The following BRCA1 variants were observed in gnomAD, a reference collection of about 807,000 sequenced individuals.
BRCA1 encodes BRCA1 DNA repair associated.
BRCA1 carries 140 observed loss-of-function variants against 173.7 expected under a neutral mutation model. That is an observed-to-expected ratio of 0.81 (90% CI 0.70 to 0.93). The LOEUF (loss-of-function observed/expected upper bound fraction) is 0.93. BRCA1 is among the 40% of genes least tolerant of loss of function. The pLI is 0.00. For synonymous variants in BRCA1, 662 were observed against 756.0 expected (o/e 0.88, Z 2.04); for missense variants, 1,983 against 2,172.5 (o/e 0.91, Z 1.73).
chr17:43,165,898 C>T (rs1267534943), intron 1 of BRCA1: 1 of 151,724 alleles, frequency 6.6e-6, no homozygotes, highest in Non-Finnish European at 1.5e-5. Flanking sequence ...GCATGTTGTG[C>T]ACATGTACCC....
At chr17:43,052,127 C>G (rs2051267525) in intron 19 of BRCA1, among the ~76,000 whole-genome samples, 1 of 152,174 alleles carries the variant, frequency 6.6e-6, no homozygotes, top group Admixed American at 6.5e-5. Flanking sequence ...GCCTCTTCCA[C>G]TTACAGGGCT....
rs2154441272 is a variant in BRCA1, at chr17:43,094,015, T to C, written c.1516A>G (p.Arg506Gly). The C allele has an allele frequency of 6.2e-7, 1 of 1,614,040 alleles. No homozygotes were observed. The highest frequency in any genetic ancestry group is 2.2e-5 in the East Asian group (1 of 44,866). Residue 506 changes from arginine to glycine, a missense_variant, in exon 10 of 23, where the codon AGG becomes GGG. Transcript: ENST00000357654. Reference protein sequence around the residue: ...RPLTNKLKRKRRPTSGLHPED... With the variant: ...RPLTNKLKRKGRPTSGLHPED... ...GGATGAAGGCCTGATGTAGGTCTCC[T>C]TTTACGCTTTAATTTATTTGTGAGG...
rs1597836187 is a variant in BRCA1 at position 43,074,420 on chromosome 17, A to G, written c.4586T>C (p.Ile1529Thr). The change falls in exon 14 of 23, where the codon ATT becomes ACT. Residue 1529 changes from isoleucine to threonine, a missense_variant. Transcript: ENST00000357654. Reference sequence around the variant, plus strand: ...TTGCTCCTCCACATCAACAACCTTAATGAGCTCCTCTTGAGATGGGTAGTT... The same window carrying G: ...TTGCTCCTCCACATCAACAACCTTAGTGAGCTCCTCTTGAGATGGGTAGTT... ...NRNYPSQEELIKVVDVEEQQL... is the reference protein window; with the variant it reads ...NRNYPSQEELTKVVDVEEQQL... The G allele has an allele frequency of 6.2e-7, 1 of 1,614,150 alleles. No homozygotes were observed.
intron 11 of BRCA1, among the ~76,000 whole-genome samples, chr17:43,089,360 TGAA>T (rs1358923315): frequency 7.9e-5 from 12 of 152,114 alleles, no homozygotes; most frequent in Non-Finnish European, 1.2e-4. Flanking sequence ...GGTTCTATGA[TGAA>T]GATGATATTC....
chr17:43,050,882 T>A (rs2051182346), intron 20 of BRCA1, among the ~76,000 whole-genome samples, 181 bp downstream of exon 20: 1 of 152,084 alleles, frequency 6.6e-6, no homozygotes, highest in East Asian at 1.9e-4. Context: ...AAGGTATAGT[T>A]TTTTTTTGCC....
intron 13 of BRCA1, among the ~76,000 whole-genome samples, chr17:43,075,644 C>A (rs1233061960): frequency 1.3e-5 from 2 of 151,822 alleles, no homozygotes; most frequent in Non-Finnish European, 2.9e-5. Flanking sequence ...CTCACTGCAA[C>A]CTCTGCCTCC....
intron 6 of BRCA1, among the ~76,000 whole-genome samples, chr17:43,103,575 GCCT>G (rs2054584941): frequency 6.6e-6 from 1 of 151,888 alleles, no homozygotes; most frequent in African/African-American, 2.4e-5. Context: ...TCCCATTTCA[GCCT>G]CCTAAGTAGC....
At chr17:43,048,904 GAGTT>G (rs980317436) in intron 21 of BRCA1, among the ~76,000 whole-genome samples, 3 of 152,110 alleles carry the variant, frequency 2.0e-5, no homozygotes, top group African/African-American at 4.8e-5. Context: ...ATGGGAAAAA[GAGTT>G]AGAGGGAAAA....
chr17:43,095,758 C>G, intron 9 of BRCA1, 88 bp downstream of exon 9: 1 of 1,119,752 alleles, frequency 8.9e-7, no homozygotes, highest in Non-Finnish European at 1.3e-6. Context: ...GTAAAGGTCC[C>G]AAATGGTCTT....
chr17:43,154,728 C>T (rs1234097904), intron 1 of BRCA1, among the ~76,000 whole-genome samples: 2 of 152,006 alleles, frequency 1.3e-5, no homozygotes, highest in Non-Finnish European at 2.9e-5. Context: ...GATAGAAATA[C>T]AGCAGTTTAC....
rs766373028 is a variant in BRCA1, at chr17:43,068,276, C to CA, written c.4987-582dup. On this transcript the variant is annotated intron_variant, in intron 15 of 22. Coordinates refer to ENST00000357654, the MANE Select transcript of BRCA1 (RefSeq NM_007294.4). ...TGGGCGAGAGTGCGAGACTCCGTCT[C>CA]AAAAAAAAAAAAAAGATACCTGAAG... Among the ~76,000 whole-genome samples, 301 of 92,012 alleles carry CA rather than the reference C, an allele frequency of 3.3e-3. 1 individual carries two copies. The highest frequency in any genetic ancestry group is 7.6e-3 in the African/African-American group (186 of 24,354). 60.4% of individuals were successfully genotyped at this position (92,012 alleles called of 152,430 possible).
rs80356967 is a variant in BRCA1, at chr17:43,104,953, G to C, written c.216C>G (p.Ser72Arg). 3.1e-6 allele frequency: 5 copies of C among 1,612,828 alleles called. No individual in the cohort carries two copies. In the Admixed American group the frequency reaches 8.3e-5, roughly 27 times the overall value. The change falls in exon 5 of 23, where the codon AGC becomes AGG. Residue 72 changes from serine to arginine, a missense_variant. Coordinates refer to ENST00000357654, the MANE Select transcript of BRCA1 (RefSeq NM_007294.4). ...PLCKNDITKRSLQESTRFSQL... is the reference protein window; with the variant it reads ...PLCKNDITKRRLQESTRFSQL... ...GACTAAATCTCGTACTTTCTTGTAG[G>C]CTCCTGAAATTAAATTGTTTGAGAA...
intron 1 of BRCA1, among the ~76,000 whole-genome samples, chr17:43,137,712 C>CA (rs926434091): frequency 1.3e-5 from 2 of 151,868 alleles, no homozygotes; most frequent in African/African-American, 2.4e-5. Context: ...ACTGTTTTTA[C>CA]AAAAAAATAT....
intron 11 of BRCA1, among the ~76,000 whole-genome samples, chr17:43,088,831 A>G (rs970127375): frequency 1.3e-5 from 2 of 152,220 alleles, no homozygotes; most frequent in African/African-American, 4.8e-5. Flanking sequence ...CAGAACTCTC[A>G]CCAATATTAT....
At chr17:43,139,563 C>G (rs1339799160) in intron 1 of BRCA1, among the ~76,000 whole-genome samples, 9 of 152,064 alleles carry the variant, frequency 5.9e-5, no homozygotes, top group Admixed American at 4.6e-4. Context: ...ACCATCTTGG[C>G]CAGGCTGGTC....
chr17:43,072,653 C>G (rs1327721587), intron 14 of BRCA1, among the ~76,000 whole-genome samples: 1 of 151,478 alleles, frequency 6.6e-6, no homozygotes, highest in African/African-American at 2.4e-5. Flanking sequence ...AAACCTCTGC[C>G]TCCCAGGTTC....
intron 20 of BRCA1, 145 bp from the exon 21 acceptor site, chr17:43,049,339 T>A: frequency 1.3e-6 from 1 of 783,472 alleles, no homozygotes; most frequent in Non-Finnish European, 2.2e-6. Context: ...ACAATGGTCT[T>A]AAAATAGTAG....
intron 3 of BRCA1, among the ~76,000 whole-genome samples, chr17:43,113,808 C>T (rs534518690): frequency 2.6e-4 from 39 of 152,072 alleles, no homozygotes; most frequent in Non-Finnish European, 5.1e-4. Flanking sequence ...GTCAGCCAGG[C>T]GCGGTGGCTT....
Position 43,091,522 on chromosome 17 carries a change from CACTCAGACCA to C in BRCA1, c.3999_4008del (p.Gly1334ThrfsTer29), listed in dbSNP as rs754792932. 1 of 1,613,950 alleles carries C rather than the reference CACTCAGACCA, an allele frequency of 6.2e-7. No homozygotes were observed. The highest frequency in any genetic ancestry group is 8.5e-7 in the Non-Finnish European group (1 of 1,179,862). On this transcript the variant is annotated frameshift_variant, in exon 10 of 23. Transcript: ENST00000357654. LOFTEE classifies it high-confidence loss of function. ...TCATCATCTGAAACCAATTCCTTGT[CACTCAGACCA>C]ACTCCCTGGCTTTCAGACTGATGCC...
Sources: allele counts gnomAD v4.1 joint callset (sites outside exome capture counted in the v4.1 genomes callset), GRCh38; gene constraint gnomAD v4.1.1; transcripts MANE v1.5; gene names NCBI Gene and HGNC (gene_info 2026-07-23, HGNC 2026-07-21).